The following GREM2 variants were observed in gnomAD, a reference collection of about 807,000 sequenced individuals.
GREM2 encodes the protein gremlin-2.
Under a neutral mutation model 14.2 loss-of-function variants are expected in GREM2, and 11 were observed. That is an observed-to-expected ratio of 0.78 (90% CI 0.49 to 1.28). GREM2 has a LOEUF of 1.28. GREM2 is among the 50% of genes most tolerant of loss of function. The probability of loss-of-function intolerance (pLI) is 0.00; values close to 1 mark genes in which losing one functional copy is unlikely to be tolerated. For missense variants in GREM2, 210 were observed against 218.5 expected, an observed-to-expected ratio of 0.96 and a Z score of 0.24; for synonymous variants, 98 against 97.6, an observed-to-expected ratio of 1.00 and a Z score of -0.02.
At chr1:240,510,239 G>T (rs369860852) in intron 1 of GREM2, among the ~76,000 whole-genome samples, 7 of 151,626 alleles carry the variant, frequency 4.6e-5, no homozygotes, top group Non-Finnish European at 2.9e-5. Flanking sequence ...GCGTGGTGGC[G>T]GGCGCCTGTA....
chr1:240,551,987 C>T (rs1004091168), intron 1 of GREM2, among the ~76,000 whole-genome samples: 1 of 152,046 alleles, frequency 6.6e-6, no homozygotes, highest in Admixed American at 6.6e-5. Flanking sequence ...AGTGAATAGC[C>T]CAGGACTATG....
At chr1:240,544,338 G>A (rs570072622) in intron 1 of GREM2, among the ~76,000 whole-genome samples, 21 of 152,006 alleles carry the variant, frequency 1.4e-4, no homozygotes, top group South Asian at 6.2e-4. Context: ...TAATAGACGC[G>A]GGGTTTCACC....
In GREM2 at chr1:240,543,450, A is replaced by T. The variant is rs561479206; in HGVS notation, c.-1-49974T>A. 2.0e-5 allele frequency among the ~76,000 whole-genome samples: 3 copies of T among 152,236 alleles called. No individual in the cohort carries two copies. The highest frequency in any genetic ancestry group is 7.2e-5 in the African/African-American group (3 of 41,552). Reference sequence around the variant, plus strand: ...TGTTCAGGGGAACTCCCATATATAAAACCATCAGATCTGGTGAGACTTATT... The same window carrying T: ...TGTTCAGGGGAACTCCCATATATAATACCATCAGATCTGGTGAGACTTATT... On this transcript the variant is annotated intron_variant, in intron 1 of 1. Coordinates refer to ENST00000318160, the MANE Select transcript of GREM2 (RefSeq NM_022469.4). The surrounding 1 kb of genome is among the most constrained non-coding windows in gnomAD (Gnocchi z 6.4).
chr1:240,504,675 A>G (rs1396801986), intron 1 of GREM2, among the ~76,000 whole-genome samples: 1 of 152,210 alleles, frequency 6.6e-6, no homozygotes, highest in African/African-American at 2.4e-5. Flanking sequence ...TAAATGACTA[A>G]TCAGTTCCTT....
At chr1:240,577,630 A>G (rs1429259817) in intron 1 of GREM2, among the ~76,000 whole-genome samples, 1 of 152,174 alleles carries the variant, frequency 6.6e-6, no homozygotes, top group Non-Finnish European at 1.5e-5. Flanking sequence ...CATGAAACGT[A>G]TTTCTTTGGG....
At chr1:240,583,262 AG>A (rs1044962309) in intron 1 of GREM2, among the ~76,000 whole-genome samples, 21 of 152,328 alleles carry the variant, frequency 1.4e-4, no homozygotes, top group African/African-American at 5.1e-4. Flanking sequence ...AGGAAAAAAA[AG>A]GGCAAAAAAA....
intron 1 of GREM2, among the ~76,000 whole-genome samples, chr1:240,500,831 T>A (rs1410999652): frequency 6.6e-6 from 1 of 152,208 alleles, no homozygotes; most frequent in Non-Finnish European, 1.5e-5. Context: ...ATGTGTTTAT[T>A]TATGCCCATC....
rs560593160 is a variant in GREM2 at position 240,554,287 on chromosome 1, G to C, written c.-2+57597C>G. Among the ~76,000 whole-genome samples the C allele has an allele frequency of 2.0e-5, 3 of 151,592 alleles. No homozygotes were observed. The East Asian group carries it at 5.8e-4, about 30-fold the overall frequency. ...TTAGCCGGGTGTGGTAGCGGGAGCCGGTAATCCCAGCTACTCGGGAGGCTG... is the reference window on the plus strand; with the variant it reads ...TTAGCCGGGTGTGGTAGCGGGAGCCCGTAATCCCAGCTACTCGGGAGGCTG... On this transcript the variant is annotated intron_variant, in intron 1 of 1. Transcript: ENST00000318160.
intron 1 of GREM2, among the ~76,000 whole-genome samples, chr1:240,536,928 A>G (rs1678485670): frequency 6.6e-6 from 1 of 152,242 alleles, no homozygotes; most frequent in Admixed American, 6.5e-5. Flanking sequence ...ACAGAATCCA[A>G]GCAAAGCAAG....
rs568922290 is a variant in GREM2 at position 240,592,724 on chromosome 1, C to T, written c.-2+19160G>A. On this transcript the variant is annotated intron_variant, in intron 1 of 1. Transcript: ENST00000318160. ...TCAATACACAGGTCCATCACTGCCC[C>T]TTACACATTGGTGTTACAGAGGAGA... Among the ~76,000 whole-genome samples the T allele has an allele frequency of 3.7e-4, 56 of 152,300 alleles. 2 individuals carry two copies. The South Asian group carries it at 0.011, about 29-fold the overall frequency.
At chr1:240,555,343 T>G (rs537211711) in intron 1 of GREM2, among the ~76,000 whole-genome samples, 1 of 152,224 alleles carries the variant, frequency 6.6e-6, no homozygotes, top group East Asian at 1.9e-4. Context: ...TGGATTGCTG[T>G]GAGGGTTGAA....
At chr1:240,553,675 A>G in intron 1 of GREM2, among the ~76,000 whole-genome samples, 1 of 152,244 alleles carries the variant, frequency 6.6e-6, no homozygotes, top group East Asian at 1.9e-4. Context: ...GAAATGAAAC[A>G]TACATGGAGA....
chr1:240,517,017 T>G (rs868216316), intron 1 of GREM2, among the ~76,000 whole-genome samples: 16 of 152,190 alleles, frequency 1.1e-4, no homozygotes, highest in African/African-American at 3.9e-4. Context: ...AGTTTCCTCA[T>G]CTATAAACTG....
chr1:240,591,072 G>GCA (rs1558175751), intron 1 of GREM2, among the ~76,000 whole-genome samples: 3 of 152,154 alleles, frequency 2.0e-5, no homozygotes, highest in East Asian at 1.9e-4. Context: ...GAGCCACCAT[G>GCA]CCCAGCCAGA....
intron 1 of GREM2, among the ~76,000 whole-genome samples, chr1:240,496,373 G>A (rs896834411): frequency 6.6e-6 from 1 of 152,190 alleles, no homozygotes; most frequent in East Asian, 1.9e-4. Context: ...TCTAGAATGA[G>A]CTTGGCATTC....
At chr1:240,537,817 G>A (rs1678506336) in intron 1 of GREM2, among the ~76,000 whole-genome samples, 1 of 145,916 alleles carries the variant, frequency 6.9e-6, no homozygotes, top group Non-Finnish European at 1.5e-5. Flanking sequence ...AAAACACTGA[G>A]TAAGCCCTGC....
chr1:240,528,899 C>T (rs1293518746), intron 1 of GREM2, among the ~76,000 whole-genome samples: 2 of 152,166 alleles, frequency 1.3e-5, no homozygotes, highest in African/African-American at 4.8e-5. Context: ...GGTTTTCCAT[C>T]TCTGTCTCCT....
intron 1 of GREM2, among the ~76,000 whole-genome samples, chr1:240,594,110 C>A (rs1158725424): frequency 6.6e-6 from 1 of 152,018 alleles, no homozygotes; most frequent in African/African-American, 2.4e-5. Context: ...CACAACACTA[C>A]ATCCTGCTAA....
At chr1:240,574,908 A>G (rs1237149339) in intron 1 of GREM2, among the ~76,000 whole-genome samples, 4 of 152,172 alleles carry the variant, frequency 2.6e-5, no homozygotes, top group African/African-American at 9.7e-5. Context: ...AGAGATCTAG[A>G]CCATCCTACC....
Sources: allele counts gnomAD v4.1 joint callset (sites outside exome capture counted in the v4.1 genomes callset), GRCh38; gene constraint gnomAD v4.1.1; non-coding constraint Gnocchi (gnomAD v3.1); transcripts MANE v1.5; gene names NCBI Gene and HGNC (gene_info 2026-07-23, HGNC 2026-07-21).